CIROZ: variants seen among roughly 807,000 people sequenced by gnomAD.
CIROZ encodes ciliated left-right organizer ZP-N domains-containing protein.
chr1:10,973,674 G>A, the CIROZ span, among the ~76,000 whole-genome samples: 1 of 152,048 alleles, frequency 6.6e-6, no homozygotes, highest in Non-Finnish European at 1.5e-5. Context: ...TGGGAGCCCC[G>A]CCCCTTCTGA....
chr1:10,949,149 G>A, the CIROZ span: 5,927 of 271,014 alleles, frequency 0.022, 315 homozygotes, highest in African/African-American at 0.11. Context: ...GCCTGAATCT[G>A]GGAGGTGGAG....
the CIROZ span, chr1:10,964,164 G>C: frequency 4.3e-6 from 7 of 1,614,030 alleles, no homozygotes; most frequent in South Asian, 7.7e-5. Flanking sequence ...CGCTTTCCTG[G>C]CCCAGCCTTG....
At chr1:10,966,276 C>G in the CIROZ span, 1 of 1,411,386 alleles carries the variant, frequency 7.1e-7, no homozygotes, top group Non-Finnish European at 9.3e-7. Context: ...GGTGCAGTGT[C>G]TCCTTACTTG....
the CIROZ span, chr1:10,949,794 C>G: frequency 6.4e-7 from 1 of 1,567,652 alleles, no homozygotes; most frequent in Non-Finnish European, 8.7e-7. Context: ...GCAGTTGAGG[C>G]AGGCGACTCT....
the CIROZ span, among the ~76,000 whole-genome samples, chr1:10,965,097 T>G: frequency 6.6e-6 from 1 of 151,862 alleles, no homozygotes; most frequent in African/African-American, 2.4e-5. Flanking sequence ...GTCAAACCAA[T>G]GGGTCCCTCT....
At chr1:10,972,285 G>A in the CIROZ span, among the ~76,000 whole-genome samples, 1 of 152,178 alleles carries the variant, frequency 6.6e-6, no homozygotes, top group African/African-American at 2.4e-5. Flanking sequence ...CACATCTGTA[G>A]ACTCAGCTGC....
At chr1:10,957,111 G>A in the CIROZ span, 3 of 1,548,202 alleles carry the variant, frequency 1.9e-6, no homozygotes, top group Non-Finnish European at 2.6e-6. Context: ...TCAGCACCTG[G>A]GGAGGAAGGG....
At chr1:10,961,181 T>TC in the CIROZ span, among the ~76,000 whole-genome samples, 1 of 151,942 alleles carries the variant, frequency 6.6e-6, no homozygotes, top group Non-Finnish European at 1.5e-5. Flanking sequence ...AGCAACACCG[T>TC]CCCCCTAGCG....
At chr1:10,953,926 G>A in the CIROZ span, 4 of 1,475,188 alleles carry the variant, frequency 2.7e-6, no homozygotes, top group African/African-American at 2.8e-5. Flanking sequence ...GTGAAACATT[G>A]TCACAGAAGA....
the CIROZ span, among the ~76,000 whole-genome samples, chr1:10,962,235 C>T: frequency 2.0e-5 from 3 of 152,088 alleles, no homozygotes; most frequent in Non-Finnish European, 4.4e-5. Flanking sequence ...CACTTGAGGT[C>T]AGGAGTTCTA....
At chr1:10,953,460 G>A in the CIROZ span, among the ~76,000 whole-genome samples, 1 of 152,170 alleles carries the variant, frequency 6.6e-6, no homozygotes, top group Admixed American at 6.5e-5. Flanking sequence ...CATACACCAC[G>A]TTTAGAAGAA....
At chr1:10,966,932 T>C in the CIROZ span, among the ~76,000 whole-genome samples, 1 of 151,978 alleles carries the variant, frequency 6.6e-6, no homozygotes, top group Non-Finnish European at 1.5e-5. Context: ...GAGGATCACT[T>C]GAGCTCAGGA....
chr1:10,974,339 C>A, the CIROZ span, among the ~76,000 whole-genome samples: 1 of 152,000 alleles, frequency 6.6e-6, no homozygotes, highest in African/African-American at 2.4e-5. The surrounding 1 kb of genome is among the most constrained non-coding windows in gnomAD (Gnocchi z 4.4). Context: ...CGCAGAGAGG[C>A]GATGGGATGA....
the CIROZ span, chr1:10,948,866 G>A: frequency 6.8e-7 from 1 of 1,476,836 alleles, no homozygotes; most frequent in Non-Finnish European, 9.0e-7. Context: ...GAGAAGTGGA[G>A]AGAGAAAAAG....
At chr1:10,959,471 G>A in the CIROZ span, among the ~76,000 whole-genome samples, 2 of 152,188 alleles carry the variant, frequency 1.3e-5, no homozygotes, top group Non-Finnish European at 2.9e-5. The surrounding 1 kb of genome is among the most constrained non-coding windows in gnomAD (Gnocchi z 4.3). Flanking sequence ...CCCCACCCAG[G>A]TGCTCTCTCA....
At chr1:10,980,723 G>A in the CIROZ span, among the ~76,000 whole-genome samples, 2 of 152,202 alleles carry the variant, frequency 1.3e-5, no homozygotes, top group Non-Finnish European at 2.9e-5. Context: ...GCCTGCTCCT[G>A]TTCTCCTCCT....
chr1:10,962,601 G>T, the CIROZ span, among the ~76,000 whole-genome samples: 1 of 152,166 alleles, frequency 6.6e-6, no homozygotes, highest in Non-Finnish European at 1.5e-5. Flanking sequence ...CAGGACTGTA[G>T]GTTGTGCCTG....
At chr1:10,972,282 G>T in the CIROZ span, among the ~76,000 whole-genome samples, 3 of 152,206 alleles carry the variant, frequency 2.0e-5, no homozygotes, top group African/African-American at 7.2e-5. Flanking sequence ...GTGCACATCT[G>T]TAGACTCAGC....
At chr1:10,960,848 G>A in the CIROZ span, among the ~76,000 whole-genome samples, 3 of 152,198 alleles carry the variant, frequency 2.0e-5, no homozygotes, top group Non-Finnish European at 4.4e-5. This position sits in a 1 kb window ranked among gnomAD's most constrained non-coding sequence, Gnocchi z 4.6. Context: ...CCACGGAAGT[G>A]GCGGCTGCAG....
Sources: gnomAD v4.1 joint callset for allele counts (sites outside exome capture counted in the v4.1 genomes callset) on GRCh38, gnomAD v4.1.1 for gene constraint, Gnocchi (gnomAD v3.1) non-coding constraint, MANE v1.5 for transcripts, NCBI Gene and HGNC (gene_info 2026-07-23, HGNC 2026-07-21) for gene names.